Variants in BLNK observed in about 807,000 individuals in gnomAD.
BLNK encodes the protein B-cell linker protein.
BLNK carries 29 observed loss-of-function variants against 73.5 expected under a neutral mutation model. That is an observed-to-expected ratio of 0.39 (90% CI 0.29 to 0.54). BLNK has a LOEUF of 0.54. BLNK is among the 20% of genes least tolerant of loss of function. The pLI, the probability that BLNK is intolerant of heterozygous loss-of-function variation, is 0.61. For synonymous variants in BLNK, 176 were observed against 200.8 expected, an observed-to-expected ratio of 0.88 and a Z score of 1.04; for missense variants, 460 against 562.8, an observed-to-expected ratio of 0.82 and a Z score of 1.85.
At position 96,232,096 on chromosome 10, in the gene BLNK, A is replaced by G. The variant is rs587621111; in HGVS notation, c.164-1262T>C. Among the ~76,000 whole-genome samples, 36 of 152,332 alleles carry G rather than the reference A, an allele frequency of 2.4e-4. No individual in the cohort carries two copies. The East Asian group carries it at 6.0e-3, about 25-fold the overall frequency. ...AACTTAGCATCTAGCCTATCACATA[A>G]ACTGACCTTAGAGGTTAAATGGGAT... On this transcript the variant is annotated intron_variant, in intron 3 of 16. Transcript: ENST00000224337.
At chr10:96,216,486 C>T in intron 7 of BLNK, 167 bp downstream of exon 7, 2 of 678,078 alleles carry the variant, frequency 2.9e-6, no homozygotes, top group South Asian at 3.3e-5. Context: ...GATGGGTTGT[C>T]ACTGATGCTG....
At position 96,227,284 on chromosome 10, in the gene BLNK, C is replaced by T. The variant is rs587712590; in HGVS notation, c.361+126G>A. On this transcript the variant is annotated intron_variant, in intron 5 of 16. Coordinates refer to ENST00000224337, the MANE Select transcript of BLNK (RefSeq NM_013314.4). ...GCCCAGATCCCCTGCTTGGAGGTGG[C>T]GGGAGCGGGCGGCTGGCAGAGGCCC... is the stretch of plus-strand genomic sequence containing the variant. 133 of 1,275,150 alleles carry T rather than the reference C, an allele frequency of 1.0e-4. 1 individual carries two copies. Among genetic ancestry groups the T allele is most frequent in the South Asian group, 9.0e-4 (62 of 69,254 alleles). 79.0% of individuals were successfully genotyped at this position (1,275,150 alleles called of 1,614,324 possible). A position where few individuals can be genotyped will look rare whatever the true frequency, so the allele number is the denominator to read the frequency against.
chr10:96,258,101 G>A (rs1301142026), intron 1 of BLNK, among the ~76,000 whole-genome samples: 1 of 152,178 alleles, frequency 6.6e-6, no homozygotes, highest in Non-Finnish European at 1.5e-5. Context: ...TCTGGCACCG[G>A]CTTCCTAATG....
At chr10:96,195,698 T>C (rs1447768765) in intron 16 of BLNK, among the ~76,000 whole-genome samples, 1 of 152,238 alleles carries the variant, frequency 6.6e-6, no homozygotes, top group Non-Finnish European at 1.5e-5. Context: ...GTTTTAGTTC[T>C]ATAAGATGAA....
intron 3 of BLNK, chr10:96,238,866 G>A: frequency 2.9e-6 from 1 of 344,902 alleles, no homozygotes; most frequent in South Asian, 1.5e-4. Context: ...TTTCAGTTCA[G>A]GAAAGGCAAT....
At chr10:96,233,805 G>A (rs587623399) in intron 3 of BLNK, among the ~76,000 whole-genome samples, 2 of 152,260 alleles carry the variant, frequency 1.3e-5, no homozygotes, top group South Asian at 4.1e-4. Context: ...TGAAAATAAG[G>A]CCTATCTAAT....
chr10:96,240,291 A>C (rs1842842539), intron 3 of BLNK, among the ~76,000 whole-genome samples: 1 of 152,224 alleles, frequency 6.6e-6, no homozygotes, highest in Non-Finnish European at 1.5e-5. Flanking sequence ...GTGTTGAATG[A>C]ATCAGAAAAT....
chr10:96,190,034 C>G lies in BLNK; in HGVS notation c.*1939G>C. The G allele has an allele frequency of 1.2e-6, 1 of 809,182 alleles. No individual in the cohort carries two copies. Among genetic ancestry groups the G allele is most frequent in the Non-Finnish European group, 2.2e-6 (1 of 460,738 alleles). The allele number at this position is 809,182 out of a possible 1,614,324, so 50.1% of individuals were successfully genotyped here. Reference sequence around the variant, plus strand: ...GGACTGCCTTCATAATTCATTGCCTCTGCTTCAACAATGTGCAGTTCATCC... The same window carrying G: ...GGACTGCCTTCATAATTCATTGCCTGTGCTTCAACAATGTGCAGTTCATCC... On this transcript the variant is annotated 3_prime_UTR_variant, in exon 17 of 17. Coordinates refer to ENST00000224337, the MANE Select transcript of BLNK (RefSeq NM_013314.4).
chr10:96,204,271 T>C, intron 12 of BLNK, 183 bp from the exon 13 acceptor site: 1 of 769,964 alleles, frequency 1.3e-6, no homozygotes, highest in Admixed American at 2.5e-5. Flanking sequence ...ACTCTTCCTT[T>C]TAGTTTTGAA....
intron 1 of BLNK, among the ~76,000 whole-genome samples, chr10:96,265,099 A>G (rs1376960166): frequency 6.6e-6 from 1 of 151,276 alleles, no homozygotes; most frequent in Non-Finnish European, 1.5e-5. Context: ...GGGACTGCAG[A>G]CGCATGCCAC....
chr10:96,206,972 T>A lies in BLNK; in HGVS notation c.817+39A>T, dbSNP rs782708106. ...ATACAAATCCTTAATAAAATAACTT[T>A]TAGAGGACATGCTCATCCTTCAAAA... is the stretch of plus-strand genomic sequence containing the variant. On this transcript the variant is annotated intron_variant, in intron 11 of 16. Transcript: ENST00000224337. 1.9e-6 allele frequency: 3 copies of A among 1,596,426 alleles called. No individual in the cohort carries two copies. The South Asian group carries it at 3.3e-5, about 18-fold the overall frequency.
rs12572880 is a variant in BLNK, at chr10:96,242,476, C to T, written c.163+259G>A. On this transcript the variant is annotated intron_variant, in intron 3 of 16. Transcript: ENST00000224337. ...TATCTTTAACTTTTAGCACTGTATT[C>T]CTGCCTCAGATCTGTGTGTGCCTGG... 0.028 allele frequency among the ~76,000 whole-genome samples: 4,315 copies of T among 152,246 alleles called. 418 individuals are homozygous for T. The East Asian group carries it at 0.38, about 13-fold the overall frequency.
At chr10:96,210,458 C>T (rs1554898493) in intron 8 of BLNK, among the ~76,000 whole-genome samples, 5 of 152,268 alleles carry the variant, frequency 3.3e-5, no homozygotes, top group Non-Finnish European at 4.4e-5. Flanking sequence ...TTTTCAAGGG[C>T]TTTCGCCGAC....
At position 96,227,487 on chromosome 10, in the gene BLNK, C is replaced by T. The variant is rs1842318615; in HGVS notation, c.284G>A (p.Ser95Asn). The T allele has an allele frequency of 6.2e-7, 1 of 1,614,236 alleles. No homozygotes were observed. The highest frequency in any genetic ancestry group is 8.5e-7 in the Non-Finnish European group (1 of 1,180,056). Residue 95 changes from serine (S) to asparagine (N), a missense_variant, in exon 5 of 17, where the codon AGC (serine) becomes AAC (asparagine). By Grantham distance (46) the Ser-to-Asn change is conservative. Around this residue, in one of 3 missense-constraint regions of BLNK, gnomAD observed 139 missense variants for 187.3 expected, o/e 0.74. Coordinates refer to ENST00000224337, the MANE Select transcript of BLNK (RefSeq NM_013314.4). ...CTGCTCTACTGGAGGCGGCTCGTAG[C>T]TGTCATCAGCGTTCTCCTCGGCGGG... The part of the protein sequence containing the change: ...VMPAEENADD[S>N]YEPPPVEQET...
Position 96,197,033 on chromosome 10 carries a change from C to A in BLNK, c.1126G>T (p.Gly376Cys). ...DGSFLIRKSSGHDSKQPYTLV... is the reference protein window; with the variant it reads ...DGSFLIRKSSCHDSKQPYTLV... ...GTATATGGTTGTTTGGAATCATGGC[C>A]AGAGCTTTTCCGAATAAGAAATGAT... Residue 376 changes from glycine (G) to cysteine (C), a missense_variant, in exon 16 of 17, where the codon GGC (glycine) becomes TGC (cysteine). Gly to Cys is a radical substitution (Grantham distance 159, BLOSUM62 -3). Transcript: ENST00000224337. 1 of 1,612,856 alleles carries A rather than the reference C, an allele frequency of 6.2e-7. No homozygotes were observed. Among genetic ancestry groups the A allele is most frequent in the South Asian group, 1.1e-5 (1 of 90,910 alleles).
rs199560219 is a variant in BLNK at position 96,227,477 on chromosome 10, C to T, written c.294G>A (p.Pro98=). 46 of 1,614,216 alleles carry T rather than the reference C, an allele frequency of 2.8e-5. No homozygotes were observed. Among genetic ancestry groups the T allele is most frequent in the East Asian group, 4.5e-5 (2 of 44,888 alleles). The part of the protein sequence containing the change: ...AEENADDSYE[P]PPVEQETRPV... ...GCCTGGTTTCCTGCTCTACTGGAGG[C>T]GGCTCGTAGCTGTCATCAGCGTTCT... Residue 98 remains proline, a synonymous_variant, in exon 5 of 17, where the codon CCG becomes CCA. Coordinates refer to ENST00000224337, the MANE Select transcript of BLNK (RefSeq NM_013314.4).
intron 1 of BLNK, among the ~76,000 whole-genome samples, chr10:96,252,000 C>G (rs1339548771): frequency 6.6e-6 from 1 of 152,132 alleles, no homozygotes; most frequent in Non-Finnish European, 1.5e-5. Context: ...TGGAGATTCT[C>G]ATTGGGTTGT....
At chr10:96,219,150 G>A (rs2084136187) in intron 6 of BLNK, among the ~76,000 whole-genome samples, 1 of 152,204 alleles carries the variant, frequency 6.6e-6, no homozygotes, top group Admixed American at 6.5e-5. Flanking sequence ...ACTCCCGAAG[G>A]GCAGGGCCTT....
At chr10:96,221,644 G>A (rs1159658990) in intron 6 of BLNK, among the ~76,000 whole-genome samples, 2 of 152,144 alleles carry the variant, frequency 1.3e-5, no homozygotes, top group Non-Finnish European at 2.9e-5. Context: ...CAGAAATGAA[G>A]AGCCTTACAT....
Sources: allele counts gnomAD v4.1 joint callset (sites outside exome capture counted in the v4.1 genomes callset), GRCh38; gene constraint gnomAD v4.1.1; regional missense constraint gnomAD v4.1.1; transcripts MANE v1.5; gene names NCBI Gene and HGNC (gene_info 2026-07-23, HGNC 2026-07-21).